Variants in TBC1D4 observed in about 807,000 individuals in gnomAD.
TBC1D4 encodes the protein TBC (Tre-2, BUB2, CDC16) domain-containing protein.
Under a neutral mutation model 142.5 loss-of-function variants are expected in TBC1D4, and 121 were observed. The ratio of observed to expected loss-of-function variants is 0.85; its 90% CI spans 0.73 to 0.99. The LOEUF (loss-of-function observed/expected upper bound fraction) is 0.99, where lower values mean the gene tolerates loss of function less well. TBC1D4 is among the 50% of genes least tolerant of loss of function. TBC1D4 has a pLI of 0.00. For synonymous variants in TBC1D4, 630 were observed against 628.2 expected, an observed-to-expected ratio of 1.00 and a Z score of -0.04; for missense variants, 1,475 against 1,606.6, an observed-to-expected ratio of 0.92 and a Z score of 1.40.
intron 1 of TBC1D4, among the ~76,000 whole-genome samples, chr13:75,431,211 T>C (rs1442942350): frequency 3.3e-5 from 5 of 152,226 alleles, no homozygotes; most frequent in African/African-American, 4.8e-5. Context: ...TAATTATACA[T>C]GCAAATTATC....
intron 12 of TBC1D4, among the ~76,000 whole-genome samples, chr13:75,315,351 A>AATATAT (rs144293371): frequency 0.019 from 2,769 of 142,216 alleles, 43 homozygotes; most frequent in African/African-American, 0.04. Context: ...CTGAATATTG[A>AATATAT]ATATATATAT....
At chr13:75,367,468 G>A (rs971063036) in intron 1 of TBC1D4, among the ~76,000 whole-genome samples, 1 of 151,728 alleles carries the variant, frequency 6.6e-6, no homozygotes, top group Non-Finnish European at 1.5e-5. Flanking sequence ...TTCACTGCTT[G>A]ATATTATTAA....
At chr13:75,422,765 A>G (rs1444200657) in intron 1 of TBC1D4, among the ~76,000 whole-genome samples, 1 of 152,166 alleles carries the variant, frequency 6.6e-6, no homozygotes, top group Non-Finnish European at 1.5e-5. Flanking sequence ...AATATTCCTC[A>G]ATGTACTTCT....
At chr13:75,379,982 C>T (rs1414115478) in intron 1 of TBC1D4, among the ~76,000 whole-genome samples, 2 of 144,264 alleles carry the variant, frequency 1.4e-5, no homozygotes, top group African/African-American at 2.6e-5. Flanking sequence ...CTTGGCTCAC[C>T]GCAATCTCTG....
chr13:75,351,349 A>G (rs1378384106), intron 4 of TBC1D4, among the ~76,000 whole-genome samples: 1 of 152,166 alleles, frequency 6.6e-6, no homozygotes, highest in African/African-American at 2.4e-5. Context: ...AAATTATCCA[A>G]TAAAGAATGG....
At chr13:75,465,318 C>T (rs1888124207) in intron 1 of TBC1D4, among the ~76,000 whole-genome samples, 1 of 152,126 alleles carries the variant, frequency 6.6e-6, no homozygotes, top group South Asian at 2.1e-4. Context: ...ACACTCTATA[C>T]CAAGATCCAA....
At position 75,349,309 on chromosome 13, in the gene TBC1D4, G is replaced by C; in HGVS notation, c.1276-7C>G. 6.2e-7 allele frequency: 1 copy of C among 1,613,574 alleles called. No individual in the cohort carries two copies. The highest frequency in any genetic ancestry group is 8.5e-7 in the Non-Finnish European group (1 of 1,179,832). On this transcript the variant is annotated splice_polypyrimidine_tract_variant and splice_region_variant and intron_variant, in intron 4 of 20. Coordinates refer to ENST00000377636, the MANE Select transcript of TBC1D4 (RefSeq NM_014832.5). ...TCAGCATTACCTCATCAACCTACAG[G>C]AAGAAACAAAACTCAGGTCTATAAA... is the stretch of plus-strand genomic sequence containing the variant.
intron 16 of TBC1D4, 115 bp downstream of exon 16, chr13:75,302,128 T>G: frequency 3.8e-6 from 5 of 1,304,808 alleles, no homozygotes; most frequent in Non-Finnish European, 5.4e-6. Flanking sequence ...TCAACGGCTC[T>G]GCATATGCCA....
rs903257843 is a variant in TBC1D4, at chr13:75,367,623, G to C, written c.499-5016C>G. Among the ~76,000 whole-genome samples the C allele has an allele frequency of 5.9e-5, 9 of 152,214 alleles. No individual in the cohort carries two copies. In the South Asian group the frequency reaches 8.3e-4, roughly 14 times the overall value. Reference sequence around the variant, plus strand: ...AATTTAAACTAGTCTCACTCAAACAGAGACAGTATGGAAAAGAAATATATT... The same window carrying C: ...AATTTAAACTAGTCTCACTCAAACACAGACAGTATGGAAAAGAAATATATT... On this transcript the variant is annotated intron_variant, in intron 1 of 20. Coordinates refer to ENST00000377636, the MANE Select transcript of TBC1D4 (RefSeq NM_014832.5).
Position 75,481,612 on chromosome 13 carries a change from C to T in TBC1D4, c.156G>A (p.Leu52=). The part of the protein sequence containing the change: ...GGSCLDHRTT[L]PMLPWLMAEI... ...CGGCCATGAGCCAGGGCAGCATAGGCAGCGTGGTCCTGTGGTCCAGGCACG... is the reference window on the plus strand; with the variant it reads ...CGGCCATGAGCCAGGGCAGCATAGGTAGCGTGGTCCTGTGGTCCAGGCACG... The change falls in exon 1 of 21, where the codon CTG becomes CTA. Residue 52 remains leucine (L), a synonymous_variant. Coordinates refer to ENST00000377636, the MANE Select transcript of TBC1D4 (RefSeq NM_014832.5). 6.2e-7 allele frequency: 1 copy of T among 1,608,666 alleles called. No individual in the cohort carries two copies. The highest frequency in any genetic ancestry group is 8.5e-7 in the Non-Finnish European group (1 of 1,177,934).
chr13:75,397,445 A>T (rs1884853893), intron 1 of TBC1D4, among the ~76,000 whole-genome samples: 2 of 152,232 alleles, frequency 1.3e-5, no homozygotes, highest in Admixed American at 6.5e-5. Flanking sequence ...TACAGAATGT[A>T]AGGGATACTC....
chr13:75,362,131 T>A lies in TBC1D4; in HGVS notation c.975A>T (p.Arg325Ser). Residue 325 changes from arginine to serine, a missense_variant, in exon 2 of 21, where the codon AGA (arginine) becomes AGT (serine). Around this residue, in one of 2 missense-constraint regions of TBC1D4, gnomAD observed 1,227 missense variants for 1,267.7 expected, o/e 0.97. Coordinates refer to ENST00000377636, the MANE Select transcript of TBC1D4 (RefSeq NM_014832.5). This position sits in a 1 kb window ranked among gnomAD's most constrained non-coding sequence, Gnocchi z 4.2. Reference sequence around the variant, plus strand: ...GGGATTTCTGGCTGCCCTCGTGAACTCTCCGTTGCACGCCGGTGACACTGC... The same window carrying A: ...GGGATTTCTGGCTGCCCTCGTGAACACTCCGTTGCACGCCGGTGACACTGC... ...RCSSVTGVQR[R>S]VHEGSQKSQP... 1 of 1,613,866 alleles carries A rather than the reference T, an allele frequency of 6.2e-7. No individual in the cohort carries two copies. The highest frequency in any genetic ancestry group is 8.5e-7 in the Non-Finnish European group (1 of 1,180,018).
At chr13:75,381,668 A>G (rs1883853792) in intron 1 of TBC1D4, among the ~76,000 whole-genome samples, 1 of 152,228 alleles carries the variant, frequency 6.6e-6, no homozygotes, top group Admixed American at 6.5e-5. Flanking sequence ...ACAAACTACT[A>G]TCATTGCAGG....
At chr13:75,450,472 T>C (rs921453288) in intron 1 of TBC1D4, among the ~76,000 whole-genome samples, 10 of 152,226 alleles carry the variant, frequency 6.6e-5, no homozygotes, top group Non-Finnish European at 1.0e-4. Flanking sequence ...CATGCAGATA[T>C]GTTTTCTGGC....
intron 7 of TBC1D4, among the ~76,000 whole-genome samples, chr13:75,339,657 C>T (rs1480999796): frequency 3.9e-5 from 6 of 152,032 alleles, no homozygotes; most frequent in African/African-American, 1.4e-4. Context: ...CTCACTGCAA[C>T]CTCCACCTCC....
chr13:75,402,232 A>G (rs1025092680), intron 1 of TBC1D4, among the ~76,000 whole-genome samples: 2 of 152,236 alleles, frequency 1.3e-5, no homozygotes, highest in African/African-American at 4.8e-5. Context: ...TACATAAGAT[A>G]TATTATCAAA....
intron 17 of TBC1D4, among the ~76,000 whole-genome samples, chr13:75,298,934 T>C (rs1470711140): frequency 6.6e-6 from 1 of 152,192 alleles, no homozygotes; most frequent in Admixed American, 6.5e-5. Context: ...AGTAAAGGGA[T>C]AAAGATACTT....
At chr13:75,381,279 G>A (rs1241884446) in intron 1 of TBC1D4, among the ~76,000 whole-genome samples, 1 of 152,070 alleles carries the variant, frequency 6.6e-6, no homozygotes, top group Non-Finnish European at 1.5e-5. Context: ...ACAAACACCA[G>A]TCCTTCCTCA....
intron 5 of TBC1D4, among the ~76,000 whole-genome samples, chr13:75,345,299 G>C (rs1881057875): frequency 6.6e-6 from 1 of 152,168 alleles, no homozygotes; most frequent in Admixed American, 6.5e-5. Context: ...GCCTACAGAG[G>C]ATCTGCCTTA....
Sources: gnomAD v4.1 joint callset for allele counts (sites outside exome capture counted in the v4.1 genomes callset) on GRCh38, gnomAD v4.1.1 for gene constraint, gnomAD v4.1.1 regional missense constraint, Gnocchi (gnomAD v3.1) non-coding constraint, MANE v1.5 for transcripts, NCBI Gene and HGNC (gene_info 2026-07-23, HGNC 2026-07-21) for gene names.